PCDH15: variants seen among roughly 807,000 people sequenced by gnomAD.
PCDH15 encodes protocadherin-15.
Under a neutral mutation model 178.5 loss-of-function variants are expected in PCDH15, and 129 were observed. The ratio of observed to expected loss-of-function variants is 0.72; its 90% CI spans 0.63 to 0.84. PCDH15 has a LOEUF of 0.84. PCDH15 is among the 40% of genes least tolerant of loss of function. The pLI is 0.00. For missense variants in PCDH15, 2,230 were observed against 2,099.9 expected (o/e 1.06, Z -1.21); for synonymous variants, 800 against 732.0 (o/e 1.09, Z -1.50).
At chr10:55,122,377 G>A (rs1837793180) in intron 2 of PCDH15, among the ~76,000 whole-genome samples, 1 of 152,154 alleles carries the variant, frequency 6.6e-6, no homozygotes. Context: ...TTTAAGTTGT[G>A]TAAGGATAGG....
intron 1 of PCDH15, among the ~76,000 whole-genome samples, chr10:55,223,691 C>T (rs1840948416): frequency 6.6e-6 from 1 of 151,998 alleles, no homozygotes; most frequent in South Asian, 2.1e-4. Context: ...ACAACCAGGC[C>T]TTGTCAATGA....
At chr10:55,343,547 C>T (rs1044313506) in intron 2 of PCDH15, among the ~76,000 whole-genome samples, 2 of 151,668 alleles carry the variant, frequency 1.3e-5, no homozygotes, top group Non-Finnish European at 2.9e-5. Flanking sequence ...TTTTCCCCCC[C>T]AATATAACTG....
chr10:54,326,816 T>G (rs1938227822), intron 7 of PCDH15, among the ~76,000 whole-genome samples: 1 of 152,302 alleles, frequency 6.6e-6, no homozygotes, highest in Admixed American at 6.5e-5. Flanking sequence ...TATCTTACAT[T>G]ATGTAGCTAT....
At position 55,360,233 on chromosome 10, in the gene PCDH15, T is replaced by C. The variant is rs7906152; in HGVS notation, c.-155-193582A>G. On this transcript the variant is annotated intron_variant, in intron 2 of 5. Transcript: ENST00000613346. ...TTGTACACCATAAATATATATAATT[T>C]ACATTTGTCAATTTAAAATATAAAA... 2.3e-3 allele frequency among the ~76,000 whole-genome samples: 346 copies of C among 152,116 alleles called. 1 individual carries two copies. Among genetic ancestry groups the C allele is most frequent in the African/African-American group, 7.9e-3 (329 of 41,540 alleles).
chr10:54,629,314 A>G (rs1041246397), intron 2 of PCDH15, among the ~76,000 whole-genome samples: 1 of 152,158 alleles, frequency 6.6e-6, no homozygotes, highest in Non-Finnish European at 1.5e-5. Context: ...GAAAGGAAGA[A>G]ATGTAATAAC....
upstream of PCDH15, among the ~76,000 whole-genome samples, chr10:54,803,801 A>G (rs1952730163): frequency 1.3e-5 from 2 of 152,206 alleles, no homozygotes; most frequent in Admixed American, 6.5e-5. Context: ...CTTTAGAAAG[A>G]TTTTGAACAT....
chr10:53,909,748 CT>C (rs2082937463), intron 25 of PCDH15, among the ~76,000 whole-genome samples: 1 of 152,192 alleles, frequency 6.6e-6, no homozygotes, highest in South Asian at 2.1e-4. Flanking sequence ...TTTCCCTTTC[CT>C]AGCCAAGGGA....
At chr10:55,299,706 A>T (rs1404948455) in intron 1 of PCDH15, among the ~76,000 whole-genome samples, 3 of 152,196 alleles carry the variant, frequency 2.0e-5, no homozygotes, top group African/African-American at 7.2e-5. Flanking sequence ...CCAAATGCTA[A>T]TACTCAGAAT....
intron 1 of PCDH15, among the ~76,000 whole-genome samples, chr10:54,726,434 GT>G (rs754597581): frequency 0.46 from 69,164 of 150,062 alleles, 17,609 homozygotes; most frequent in Middle Eastern, 0.62. Context: ...GTGTGTGTGT[GT>G]GTGTGTGTGT....
chr10:54,348,698 G>A (rs542300908), intron 5 of PCDH15, among the ~76,000 whole-genome samples: 39 of 152,084 alleles, frequency 2.6e-4, no homozygotes, highest in Non-Finnish European at 5.0e-4. Context: ...TTTTTGTGGT[G>A]AGAGCACTTA....
intron 1 of PCDH15, among the ~76,000 whole-genome samples, chr10:54,782,886 A>G (rs985207065): frequency 6.6e-6 from 1 of 152,138 alleles, no homozygotes; most frequent in Non-Finnish European, 1.5e-5. Flanking sequence ...TTGAAGTCAG[A>G]GAAATCACAT....
chr10:55,347,822 G>T (rs1195909671), intron 2 of PCDH15, among the ~76,000 whole-genome samples: 4 of 152,074 alleles, frequency 2.6e-5, no homozygotes, highest in Non-Finnish European at 2.9e-5. Flanking sequence ...AGTCATTATA[G>T]AAATAATTGT....
intron 2 of PCDH15, among the ~76,000 whole-genome samples, chr10:55,572,440 T>C (rs992895848): frequency 6.6e-6 from 1 of 150,900 alleles, no homozygotes; most frequent in Non-Finnish European, 1.5e-5. Context: ...TAATATATTA[T>C]AATTTTTAAA....
At chr10:55,457,711 T>G (rs1839585355) in intron 2 of PCDH15, among the ~76,000 whole-genome samples, 1 of 151,940 alleles carries the variant, frequency 6.6e-6, no homozygotes, top group Admixed American at 6.6e-5. Flanking sequence ...TGCTGATGGG[T>G]TTCATTATGA....
chr10:54,499,562 C>T (rs1212580624), intron 3 of PCDH15, among the ~76,000 whole-genome samples: 2 of 152,054 alleles, frequency 1.3e-5, no homozygotes, highest in African/African-American at 2.4e-5. Flanking sequence ...CAACTTGCTC[C>T]TGAATGACCT....
At chr10:55,193,501 C>A (rs904672825) in intron 1 of PCDH15, among the ~76,000 whole-genome samples, 3 of 151,862 alleles carry the variant, frequency 2.0e-5, no homozygotes, top group African/African-American at 7.3e-5. Flanking sequence ...CAAGATAATG[C>A]ATTTATAAAA....
At chr10:54,717,054 T>C (rs1268349556) in intron 1 of PCDH15, among the ~76,000 whole-genome samples, 9 of 148,464 alleles carry the variant, frequency 6.1e-5, no homozygotes, top group Admixed American at 1.4e-4. Context: ...ACTGGCTAGC[T>C]ATATGTAGAA....
chr10:55,045,040 G>A (rs1840963006), intron 2 of PCDH15, among the ~76,000 whole-genome samples: 1 of 152,052 alleles, frequency 6.6e-6, no homozygotes, highest in Admixed American at 6.6e-5. Flanking sequence ...CACATCTCAA[G>A]TGATACATTT....
intron 2 of PCDH15, among the ~76,000 whole-genome samples, chr10:55,604,235 A>G (rs1843154840): frequency 1.1e-5 from 1 of 91,924 alleles, no homozygotes; most frequent in South Asian, 5.3e-4. Flanking sequence ...GAGCACCCAG[A>G]TTCATAAAGC....
Sources: gnomAD v4.1 joint callset for allele counts (sites outside exome capture counted in the v4.1 genomes callset) on GRCh38, gnomAD v4.1.1 for gene constraint, MANE v1.5 for transcripts, NCBI Gene and HGNC (gene_info 2026-07-23, HGNC 2026-07-21) for gene names.